The following GOLIM4 variants were observed in gnomAD, a reference collection of about 807,000 sequenced individuals.
The protein encoded by GOLIM4 is 130 kDa golgi-localized phosphoprotein.
GOLIM4 carries 71 observed loss-of-function variants against 107.4 expected under a neutral mutation model. That is an observed-to-expected ratio of 0.66 (90% CI 0.55 to 0.81). The LOEUF is 0.81. Ranked by LOEUF, GOLIM4 falls within the 30% of genes least tolerant of loss-of-function variation. The probability of loss-of-function intolerance (pLI) is 0.00; values close to 1 mark genes in which losing one functional copy is unlikely to be tolerated. For missense variants in GOLIM4, 830 were observed against 826.1 expected (o/e 1.00, Z -0.06); for synonymous variants, 327 against 294.8 (o/e 1.11, Z -1.12).
At chr3:168,090,846 G>A (rs1275691072) in intron 1 of GOLIM4, among the ~76,000 whole-genome samples, 1 of 152,214 alleles carries the variant, frequency 6.6e-6, no homozygotes, top group African/African-American at 2.4e-5. Flanking sequence ...CCGTAACAAG[G>A]AATGAAATCA....
intron 14 of GOLIM4, among the ~76,000 whole-genome samples, chr3:168,012,387 T>C (rs201889033): frequency 0.15 from 20,897 of 139,976 alleles, 3,923 homozygotes; most frequent in African/African-American, 0.47. Context: ...TATGGGACTA[T>C]GTGAAAAGAC....
At chr3:168,027,001 A>C (rs527575870) in intron 12 of GOLIM4, among the ~76,000 whole-genome samples, 2 of 152,354 alleles carry the variant, frequency 1.3e-5, no homozygotes, top group South Asian at 4.1e-4. Context: ...GGGCAGCTAA[A>C]ATAAGCTGTA....
intron 14 of GOLIM4, among the ~76,000 whole-genome samples, chr3:168,018,771 C>T (rs773904678): frequency 3.3e-5 from 5 of 152,072 alleles, no homozygotes; most frequent in Non-Finnish European, 7.4e-5. Flanking sequence ...ATGTCTTTTA[C>T]AGCCTTAATA....
chr3:168,081,173 C>T (rs769131048), intron 1 of GOLIM4, among the ~76,000 whole-genome samples: 2 of 152,112 alleles, frequency 1.3e-5, no homozygotes, highest in African/African-American at 2.4e-5. Context: ...CAGCCCAATC[C>T]CCTAATTCTG....
intron 1 of GOLIM4, among the ~76,000 whole-genome samples, chr3:168,066,529 T>C (rs1720556107): frequency 1.3e-5 from 2 of 152,166 alleles, no homozygotes; most frequent in South Asian, 4.1e-4. Context: ...CTTGGTTCTA[T>C]CTTTTATCAC....
chr3:168,092,761 A>G (rs1262305715), intron 1 of GOLIM4, among the ~76,000 whole-genome samples: 2 of 152,254 alleles, frequency 1.3e-5, no homozygotes, highest in East Asian at 3.8e-4. Context: ...CAAAAGTTGC[A>G]TACCACCAGA....
chr3:168,024,788 T>TATC (rs544364581), intron 13 of GOLIM4, 140 bp downstream of exon 13: 190 of 863,838 alleles, frequency 2.2e-4, no homozygotes, highest in Non-Finnish European at 2.7e-4. Flanking sequence ...AGTACAGGCA[T>TATC]ATCATGTCAT....
At chr3:168,070,893 G>A (rs1043719854) in intron 1 of GOLIM4, among the ~76,000 whole-genome samples, 4 of 152,096 alleles carry the variant, frequency 2.6e-5, no homozygotes, top group East Asian at 1.9e-4. Context: ...TAATAAGTTC[G>A]CTCTTCTTTG....
At chr3:168,020,659 AC>A (rs1247153821) in intron 14 of GOLIM4, among the ~76,000 whole-genome samples, 1 of 152,342 alleles carries the variant, frequency 6.6e-6, no homozygotes, top group East Asian at 1.9e-4. Context: ...TTATTTAGAG[AC>A]CACTGATTTC....
intron 1 of GOLIM4, among the ~76,000 whole-genome samples, chr3:168,080,173 ATCT>A (rs1228628171): frequency 1.3e-5 from 2 of 152,196 alleles, no homozygotes; most frequent in Non-Finnish European, 2.9e-5. Flanking sequence ...AGCTGCGGAG[ATCT>A]TCTGACAAAT....
chr3:168,056,790 T>C (rs1719997247), intron 1 of GOLIM4, among the ~76,000 whole-genome samples: 1 of 152,226 alleles, frequency 6.6e-6, no homozygotes, highest in Non-Finnish European at 1.5e-5. Context: ...CCTCATTGTA[T>C]CTAGGAAGTA....
rs142039825 is a variant in GOLIM4, at chr3:168,024,913, G to A, written c.1791+15C>T. 2.0e-4 allele frequency: 321 copies of A among 1,606,632 alleles called. 1 individual carries two copies. The African/African-American group carries it at 2.7e-3, about 14-fold the overall frequency. On this transcript the variant is annotated intron_variant, in intron 13 of 15. Coordinates refer to ENST00000470487, the MANE Select transcript of GOLIM4 (RefSeq NM_014498.5). Reference sequence around the variant, plus strand: ...AGCCCAGTTAAATCCACCCTTCCTCGTGGCATCTGCTTACCACCAAATGTT... The same window carrying A: ...AGCCCAGTTAAATCCACCCTTCCTCATGGCATCTGCTTACCACCAAATGTT...
chr3:168,019,345 T>C (rs1456967334), intron 14 of GOLIM4, among the ~76,000 whole-genome samples: 2 of 152,230 alleles, frequency 1.3e-5, no homozygotes, highest in Admixed American at 1.3e-4. Context: ...AAATTCAAGA[T>C]ATGTAATTTT....
chr3:168,095,706 C>T lies in GOLIM4; in HGVS notation c.-421G>A, dbSNP rs1436729160. 1 of 179,152 alleles carries T rather than the reference C, an allele frequency of 5.6e-6. No homozygotes were observed. The highest frequency in any genetic ancestry group is 1.2e-5 in the Non-Finnish European group (1 of 86,122). 11.1% of individuals were successfully genotyped at this position (179,152 alleles called of 1,614,324 possible). ...CCCTATCGCGGCGGCTCCCACTGCA[C>T]GACTTTGTTGCCACCTAAGGGAGGG... On this transcript the variant is annotated 5_prime_UTR_variant, in exon 1 of 16. The change creates a new upstream start codon in the 5' untranslated region. Coordinates refer to ENST00000470487, the MANE Select transcript of GOLIM4 (RefSeq NM_014498.5).
At chr3:168,012,644 G>C (rs1717118069) in intron 14 of GOLIM4, among the ~76,000 whole-genome samples, 1 of 149,706 alleles carries the variant, frequency 6.7e-6, no homozygotes, top group Non-Finnish European at 1.5e-5. Context: ...AGAGAGAAAG[G>C]TCGGGTTACC....
At chr3:168,022,583 C>T (rs916888325) in intron 14 of GOLIM4, among the ~76,000 whole-genome samples, 4 of 152,064 alleles carry the variant, frequency 2.6e-5, no homozygotes, top group Non-Finnish European at 5.9e-5. Flanking sequence ...GACCTGGGAA[C>T]GATGGACAGA....
At chr3:168,077,440 C>A (rs1369119314) in intron 1 of GOLIM4, among the ~76,000 whole-genome samples, 4 of 152,158 alleles carry the variant, frequency 2.6e-5, no homozygotes, top group African/African-American at 9.7e-5. Context: ...AAAATGGAGG[C>A]ATGTGGAGCT....
chr3:168,027,646 A>G, intron 12 of GOLIM4, 82 bp downstream of exon 12: 1 of 809,020 alleles, frequency 1.2e-6, no homozygotes, highest in Non-Finnish European at 2.2e-6. Context: ...CTGGGGCTGA[A>G]GGCTGGCATC....
In GOLIM4 at chr3:168,009,835, T is replaced by G. The variant is rs533888602; in HGVS notation, c.*434A>C. ...AAGACATCAGAAGGGCAGCAATTAG[T>G]AAACAGGCCATTCTCTTTAAAGTCT... On this transcript the variant is annotated 3_prime_UTR_variant, in exon 16 of 16. Coordinates refer to ENST00000470487, the MANE Select transcript of GOLIM4 (RefSeq NM_014498.5). 9.1e-4 allele frequency: 141 copies of G among 154,270 alleles called. No homozygotes were observed. The highest frequency in any genetic ancestry group is 1.6e-3 in the Non-Finnish European group (111 of 69,668). 9.6% of individuals were successfully genotyped at this position (154,270 alleles called of 1,614,324 possible). A position where few individuals can be genotyped will look rare whatever the true frequency, so the allele number is the denominator to read the frequency against.
Sources: allele counts gnomAD v4.1 joint callset (sites outside exome capture counted in the v4.1 genomes callset), GRCh38; gene constraint gnomAD v4.1.1; transcripts MANE v1.5; gene names NCBI Gene and HGNC (gene_info 2026-07-23, HGNC 2026-07-21).